The following CROCC variants were observed in gnomAD, a reference collection of about 807,000 sequenced individuals.
The protein encoded by CROCC is ciliary rootlet coiled-coil, rootletin, also known as rootletin.
A neutral mutation model predicts 245.2 loss-of-function variants in CROCC; 180 were observed. The ratio of observed to expected loss-of-function variants is 0.73; its 90% CI spans 0.65 to 0.83. The LOEUF (loss-of-function observed/expected upper bound fraction) is 0.83. Among genes scored for constraint, CROCC ranks in the 40% least tolerant of loss-of-function variants. The pLI, the probability that CROCC is intolerant of heterozygous loss-of-function variation, is 0.00. For missense variants in CROCC, 2,688 were observed against 2,779.4 expected (o/e 0.97, Z 0.74); for synonymous variants, 1,205 against 1,241.6 (o/e 0.97, Z 0.62).
intron 2 of CROCC, 87 bp downstream of exon 2, chr1:16,922,885 T>C: frequency 6.5e-7 from 1 of 1,527,536 alleles, no homozygotes; most frequent in Non-Finnish European, 8.8e-7. Context: ...ACCATGATGA[T>C]CATGACTGTA....
At position 16,940,098 on chromosome 1, in the gene CROCC, C is replaced by A. The variant is rs756326810; in HGVS notation, c.1808+5C>A. The A allele has an allele frequency of 1.0e-5, 16 of 1,596,604 alleles. No homozygotes were observed. In the Middle Eastern group the frequency reaches 6.4e-4, roughly 64 times the overall value. The stretch of plus-strand genomic sequence containing the variant: ...CGCCAACGAGCTCCTGAGCAGGTGC[C>A]GGGGAGGTCTGAGCTGGGGGGTACT... On this transcript the variant is annotated splice_donor_5th_base_variant and intron_variant, in intron 13 of 36. Coordinates refer to ENST00000375541, the MANE Select transcript of CROCC (RefSeq NM_014675.5).
At position 16,936,890 on chromosome 1, in the gene CROCC, T is replaced by C; in HGVS notation, c.1193+17T>C. 1 of 1,599,542 alleles carries C rather than the reference T, an allele frequency of 6.3e-7. No homozygotes were observed. The highest frequency in any genetic ancestry group is 8.5e-7 in the Non-Finnish European group (1 of 1,169,896). ...CAGTGCCAGGTGGGTACCTGGTGGA[T>C]GCCGCACGAGGCAGGCGTCCCTGCA... is the stretch of plus-strand genomic sequence containing the variant. On this transcript the variant is annotated intron_variant, in intron 9 of 36. Transcript: ENST00000375541.
At chr1:16,967,332 CAG>C (rs1220877273) in intron 30 of CROCC, among the ~76,000 whole-genome samples, 1 of 152,184 alleles carries the variant, frequency 6.6e-6, no homozygotes, top group East Asian at 1.9e-4. Flanking sequence ...GGTGACAGTG[CAG>C]CCAAAGCTCC....
intron 8 of CROCC, among the ~76,000 whole-genome samples, chr1:16,932,362 C>T (rs555495935): frequency 1.8e-4 from 28 of 152,348 alleles, no homozygotes; most frequent in African/African-American, 6.3e-4. Flanking sequence ...ATTGCTTGAA[C>T]CTGGGAGGCA....
Position 16,965,705 on chromosome 1 carries a change from G to T in CROCC, c.4406-18G>T, listed in dbSNP as rs780364140. ...CCGTGGCTTCTGCATCACTGAGCAA[G>T]TCTTCTTTCTCTTCTAGGAAGCGGG... On this transcript the variant is annotated intron_variant, in intron 27 of 36. Transcript: ENST00000375541. 30 of 1,575,854 alleles carry T rather than the reference G, an allele frequency of 1.9e-5. No homozygotes were observed. The South Asian group carries it at 2.1e-4, about 11-fold the overall frequency.
chr1:16,925,004 A>G (rs1372943883), intron 3 of CROCC, among the ~76,000 whole-genome samples: 2 of 152,284 alleles, frequency 1.3e-5, no homozygotes, highest in African/African-American at 4.8e-5. Flanking sequence ...GCCTGTCTTC[A>G]TGTCCAGGCA....
Position 16,972,516 on chromosome 1 carries a change from C to G in CROCC, c.*70C>G, listed in dbSNP as rs555547135. The G allele has an allele frequency of 6.8e-6, 7 of 1,027,932 alleles. No individual in the cohort carries two copies. The highest frequency in any genetic ancestry group is 9.7e-6 in the Non-Finnish European group (7 of 721,008). 63.7% of individuals were successfully genotyped at this position (1,027,932 alleles called of 1,614,324 possible). On this transcript the variant is annotated 3_prime_UTR_variant, in exon 37 of 37. Coordinates refer to ENST00000375541, the MANE Select transcript of CROCC (RefSeq NM_014675.5). ...GAGGACCCTTCTTTTGGACAGCCCCCCCACCCAGAGCCCGGTCCCTTGGGG... is the reference window on the plus strand; with the variant it reads ...GAGGACCCTTCTTTTGGACAGCCCCGCCACCCAGAGCCCGGTCCCTTGGGG...
At position 16,922,780 on chromosome 1, in the gene CROCC, T is replaced by C. The variant is rs1401124626; in HGVS notation, c.178T>C (p.Ser60Pro). Residue 60 changes from serine to proline, a missense_variant, in exon 2 of 37, where the codon TCC (serine) becomes CCC (proline). Transcript: ENST00000375541. ...CAGGGAGATTGTCACCCGCAACCTC[T>C]CCCAGCCTGAGAGCCCAGGTGCCAC... ...LIREIVTRNL[S>P]QPESPVLLPA... is the part of the protein sequence containing the mutation. 2 of 1,613,168 alleles carry C rather than the reference T, an allele frequency of 1.2e-6. No homozygotes were observed. Among genetic ancestry groups the C allele is most frequent in the African/African-American group, 2.7e-5 (2 of 74,886 alleles).
Position 16,948,351 on chromosome 1 carries a change from G to C in CROCC, c.2535G>C (p.Gly845=). 6.3e-7 allele frequency: 1 copy of C among 1,577,270 alleles called. No individual in the cohort carries two copies. The highest frequency in any genetic ancestry group is 8.6e-7 in the Non-Finnish European group (1 of 1,165,682). The change falls in exon 18 of 37, where the codon GGG becomes GGC. Residue 845 remains glycine (G), a synonymous_variant. Coordinates refer to ENST00000375541, the MANE Select transcript of CROCC (RefSeq NM_014675.5). ...QLAQLSRQLS[G]REQELEQARR... ...GCCAGCTCTCCCGGCAGCTGAGCGGGCGGGAGCAGGAGCTGGAGCAGGCCC... is the reference window on the plus strand; with the variant it reads ...GCCAGCTCTCCCGGCAGCTGAGCGGCCGGGAGCAGGAGCTGGAGCAGGCCC...
chr1:16,943,784 A>G (rs1379308482), intron 13 of CROCC, among the ~76,000 whole-genome samples: 2 of 152,292 alleles, frequency 1.3e-5, no homozygotes, highest in African/African-American at 4.8e-5. Context: ...ATGGCCTAGC[A>G]GAGCTGGTGG....
chr1:16,955,921 G>A (rs2076243274), intron 24 of CROCC, 76 bp from the exon 25 acceptor site: 8 of 1,517,936 alleles, frequency 5.3e-6, no homozygotes, highest in Admixed American at 2.0e-5. Flanking sequence ...TCCAGAAATT[G>A]GAGGAGACGG....
In CROCC at chr1:16,954,343, C is replaced by T; in HGVS notation, c.3307C>T (p.Gln1103Ter). The change falls in exon 22 of 37, where the codon CAG becomes TAG. Residue 1103 changes from glutamine (Q) to a stop codon, truncating the protein, a stop_gained. Coordinates refer to ENST00000375541, the MANE Select transcript of CROCC (RefSeq NM_014675.5). LOFTEE classifies it high-confidence loss of function. The surrounding 1 kb of genome is among the most constrained non-coding windows in gnomAD (Gnocchi z 4.4). ...ERQKRDAQSRQEQDRSTVNAL... is the reference protein window; with the variant it reads ...ERQKRDAQSR ...GCAGAAACGAGATGCCCAGAGCCGG[C>T]AGGAGCAGGACCGGGTAGGGCAGGC... 6.2e-7 allele frequency: 1 copy of T among 1,611,484 alleles called. No homozygotes were observed. The highest frequency in any genetic ancestry group is 8.5e-7 in the Non-Finnish European group (1 of 1,179,640).
At chr1:16,914,942 G>C (rs529670438) in intron 1 of CROCC, among the ~76,000 whole-genome samples, 2 of 152,362 alleles carry the variant, frequency 1.3e-5, no homozygotes, top group South Asian at 4.1e-4. Context: ...TTCTTTCGCT[G>C]GGCTCACAGC....
At chr1:16,955,020 G>A in intron 23 of CROCC, 143 bp downstream of exon 23, 2 of 1,163,658 alleles carry the variant, frequency 1.7e-6, no homozygotes, top group Non-Finnish European at 2.4e-6. Flanking sequence ...AAAGGAGGCA[G>A]CAAGCACTAC....
At position 16,971,596 on chromosome 1, in the gene CROCC, G is replaced by A. The variant is rs1326529333; in HGVS notation, c.5916G>A (p.Leu1972=). ...CCCAGGCGCAGACTGAGCGCACCCT[G>A]GAGGCTCGGGAGCGGGCCCACCGCC... The part of the protein sequence containing the change: ...RSAQAQTERT[L]EARERAHRQR... Residue 1972 remains leucine, a synonymous_variant, in exon 36 of 37, where the codon CTG becomes CTA. Coordinates refer to ENST00000375541, the MANE Select transcript of CROCC (RefSeq NM_014675.5). 1.3e-6 allele frequency: 2 copies of A among 1,523,900 alleles called. No individual in the cohort carries two copies. The highest frequency in any genetic ancestry group is 2.4e-5 in the South Asian group (2 of 83,302). 94.4% of individuals were successfully genotyped at this position (1,523,900 alleles called of 1,614,324 possible).
In CROCC at chr1:16,954,330, T is replaced by A; in HGVS notation, c.3294T>A (p.Asp1098Glu). The A allele has an allele frequency of 4.3e-6, 7 of 1,611,866 alleles. No individual in the cohort carries two copies. The highest frequency in any genetic ancestry group is 5.9e-6 in the Non-Finnish European group (7 of 1,179,854). ...ISLEMERQKRDAQSRQEQDRS... is the reference protein window; with the variant it reads ...ISLEMERQKREAQSRQEQDRS... ...TGGAGATGGAGCGGCAGAAACGAGATGCCCAGAGCCGGCAGGAGCAGGACC... is the reference window on the plus strand; with the variant it reads ...TGGAGATGGAGCGGCAGAAACGAGAAGCCCAGAGCCGGCAGGAGCAGGACC... Residue 1098 changes from aspartate (D) to glutamate (E), a missense_variant, in exon 22 of 37, where the codon GAT (aspartate) becomes GAA (glutamate). This residue lies in a region of CROCC where 32 missense variants were observed against 54.1 expected (regional missense o/e 0.59). Coordinates refer to ENST00000375541, the MANE Select transcript of CROCC (RefSeq NM_014675.5). This position sits in a 1 kb window ranked among gnomAD's most constrained non-coding sequence, Gnocchi z 4.4.
intron 7 of CROCC, 32 bp from the exon 8 acceptor site, chr1:16,931,259 C>T: frequency 5.1e-6 from 8 of 1,584,150 alleles, no homozygotes; most frequent in Non-Finnish European, 6.9e-6. Context: ...CGCTCTCACA[C>T]CAACCCTTCC....
At chr1:16,935,137 T>C (rs983193377) in intron 8 of CROCC, among the ~76,000 whole-genome samples, 1 of 152,216 alleles carries the variant, frequency 6.6e-6, no homozygotes, top group African/African-American at 2.4e-5. Flanking sequence ...TGACCTCAGG[T>C]GATCCTCCTG....
At position 16,966,185 on chromosome 1, in the gene CROCC, G is replaced by A. The variant is rs2076414952; in HGVS notation, c.4696+66G>A. 6.4e-7 allele frequency: 1 copy of A among 1,556,134 alleles called. No individual in the cohort carries two copies. Among genetic ancestry groups the A allele is most frequent in the Non-Finnish European group, 8.7e-7 (1 of 1,146,492 alleles). On this transcript the variant is annotated intron_variant, in intron 29 of 36. Transcript: ENST00000375541. This position sits in a 1 kb window ranked among gnomAD's most constrained non-coding sequence, Gnocchi z 4.8. ...TTTGGGCAGTTGAGGCAGGAGCCGG[G>A]GGATTGGCCTCTGACCTTGCCGTGG... is the stretch of plus-strand genomic sequence containing the variant.
Sources: gnomAD v4.1 joint callset for allele counts (sites outside exome capture counted in the v4.1 genomes callset) on GRCh38, gnomAD v4.1.1 for gene constraint, gnomAD v4.1.1 regional missense constraint, Gnocchi (gnomAD v3.1) non-coding constraint, MANE v1.5 for transcripts, NCBI Gene and HGNC (gene_info 2026-07-23, HGNC 2026-07-21) for gene names.